Variants in SMYD3 observed in about 807,000 individuals in gnomAD.
SMYD3 encodes histone-lysine N-methyltransferase SMYD3.
Under a neutral mutation model 57.7 loss-of-function variants are expected in SMYD3, and 36 were observed. The ratio of observed to expected loss-of-function variants is 0.62; its 90% CI spans 0.48 to 0.82. The LOEUF (loss-of-function observed/expected upper bound fraction) is 0.82, where lower values mean the gene tolerates loss of function less well. Among genes scored for constraint, SMYD3 ranks in the 40% least tolerant of loss-of-function variants. The pLI is 0.00. For missense variants in SMYD3, 515 were observed against 538.8 expected (o/e 0.96, Z 0.44); for synonymous variants, 211 against 195.0 (o/e 1.08, Z -0.68).
intron 5 of SMYD3, chr1:245,953,479 G>A: frequency 2.4e-6 from 1 of 414,360 alleles, no homozygotes; most frequent in Non-Finnish European, 3.3e-6. Context: ...GGAGTGCAGT[G>A]GTGTGATCTC....
At chr1:245,911,199 A>G (rs1160263335) in intron 8 of SMYD3, among the ~76,000 whole-genome samples, 1 of 152,130 alleles carries the variant, frequency 6.6e-6, no homozygotes, top group African/African-American at 2.4e-5. Flanking sequence ...GGCTACTATA[A>G]AAAAGTAAGA....
At chr1:246,149,594 A>T (rs1440119921) in intron 5 of SMYD3, among the ~76,000 whole-genome samples, 1 of 152,174 alleles carries the variant, frequency 6.6e-6, no homozygotes, top group Non-Finnish European at 1.5e-5. Context: ...GATAAAAAAA[A>T]GCTTTTATTA....
intron 1 of SMYD3, among the ~76,000 whole-genome samples, chr1:246,419,477 G>T (rs1297429588): frequency 6.6e-6 from 1 of 152,192 alleles, no homozygotes; most frequent in Non-Finnish European, 1.5e-5. Context: ...GGCCCAGGAT[G>T]GGGGCGTGGT....
At chr1:245,893,864 T>A (rs2053558579) in intron 8 of SMYD3, among the ~76,000 whole-genome samples, 1 of 152,194 alleles carries the variant, frequency 6.6e-6, no homozygotes, top group African/African-American at 2.4e-5. Flanking sequence ...CTCCAATTCT[T>A]TAAAAAGATA....
At chr1:245,882,972 G>T (rs560219318) in intron 8 of SMYD3, among the ~76,000 whole-genome samples, 1 of 152,350 alleles carries the variant, frequency 6.6e-6, no homozygotes, top group East Asian at 1.9e-4. Context: ...GGTAGGCTGT[G>T]CTTCGCTAAT....
intron 5 of SMYD3, among the ~76,000 whole-genome samples, chr1:245,979,725 C>T (rs923689664): frequency 1.3e-5 from 2 of 152,108 alleles, no homozygotes; most frequent in Admixed American, 6.6e-5. Flanking sequence ...GTCACCATGG[C>T]CGTTTTAAGA....
At chr1:246,329,764 G>C (rs1205051401) in intron 4 of SMYD3, among the ~76,000 whole-genome samples, 1 of 151,874 alleles carries the variant, frequency 6.6e-6, no homozygotes, top group Non-Finnish European at 1.5e-5. Context: ...TATTACCATG[G>C]GAACTTCAGA....
intron 5 of SMYD3, among the ~76,000 whole-genome samples, chr1:246,214,742 T>C (rs2063138688): frequency 6.6e-6 from 1 of 152,088 alleles, no homozygotes; most frequent in African/African-American, 2.4e-5. Flanking sequence ...CCGGAATATT[T>C]AGGAACAGTC....
At chr1:245,987,931 G>A (rs773064746) in intron 5 of SMYD3, among the ~76,000 whole-genome samples, 7 of 152,164 alleles carry the variant, frequency 4.6e-5, no homozygotes, top group Non-Finnish European at 1.0e-4. Context: ...AGTTTCTACG[G>A]TCCCACTCAC....
intron 5 of SMYD3, among the ~76,000 whole-genome samples, chr1:246,184,091 T>C (rs1237190379): frequency 3.3e-5 from 5 of 152,178 alleles, no homozygotes; most frequent in Admixed American, 1.3e-4. Context: ...AAAGATCAGG[T>C]TGTATTTTTC....
At chr1:246,053,387 A>G (rs913522081) in intron 5 of SMYD3, among the ~76,000 whole-genome samples, 4 of 150,160 alleles carry the variant, frequency 2.7e-5, no homozygotes, top group South Asian at 2.1e-4. Context: ...TTAAAGAGAG[A>G]AAAAAAAAAG....
At chr1:245,940,599 A>G (rs1229805877) in intron 5 of SMYD3, among the ~76,000 whole-genome samples, 1 of 152,094 alleles carries the variant, frequency 6.6e-6, no homozygotes. Flanking sequence ...AAAAAACAGA[A>G]AGCACCACTA....
intron 5 of SMYD3, among the ~76,000 whole-genome samples, chr1:246,119,466 G>A (rs2061392024): frequency 1.3e-5 from 2 of 149,562 alleles, no homozygotes; most frequent in South Asian, 2.1e-4. Context: ...AGGCTGGAGT[G>A]TAGGGGCATG....
chr1:245,869,714 C>T (rs1168131085), intron 8 of SMYD3, among the ~76,000 whole-genome samples: 1 of 152,182 alleles, frequency 6.6e-6, no homozygotes, highest in Non-Finnish European at 1.5e-5. Flanking sequence ...CACAGCTCCA[C>T]CCCAAAATCC....
chr1:245,841,673 T>C (rs1174754877), intron 10 of SMYD3, among the ~76,000 whole-genome samples: 3 of 152,178 alleles, frequency 2.0e-5, no homozygotes, highest in Non-Finnish European at 4.4e-5. Context: ...AAATAAAATG[T>C]AGTTGAAACA....
intron 2 of SMYD3, among the ~76,000 whole-genome samples, chr1:246,340,765 G>A (rs1303203089): frequency 6.6e-6 from 1 of 152,064 alleles, no homozygotes; most frequent in African/African-American, 2.4e-5. Context: ...ATTTAAGAAT[G>A]TTCCACCCTA....
At chr1:245,982,251 C>T (rs2058612642) in intron 5 of SMYD3, among the ~76,000 whole-genome samples, 1 of 152,190 alleles carries the variant, frequency 6.6e-6, no homozygotes, top group Admixed American at 6.5e-5. Flanking sequence ...CCTCTGGTCT[C>T]AGCCTCTGGA....
intron 1 of SMYD3, among the ~76,000 whole-genome samples, chr1:246,407,798 C>T (rs1196085982): frequency 2.0e-5 from 3 of 151,788 alleles, no homozygotes; most frequent in African/African-American, 7.3e-5. Context: ...GCCGAGATCA[C>T]GCCACTGCAC....
chr1:246,307,406 G>A (rs2064997798), intron 5 of SMYD3, among the ~76,000 whole-genome samples: 1 of 148,830 alleles, frequency 6.7e-6, no homozygotes, highest in South Asian at 2.1e-4. Flanking sequence ...TCATAAATTA[G>A]GGGATTCTTT....
Sources: gnomAD v4.1 joint callset for allele counts (sites outside exome capture counted in the v4.1 genomes callset) on GRCh38, gnomAD v4.1.1 for gene constraint, MANE v1.5 for transcripts, NCBI Gene and HGNC (gene_info 2026-07-23, HGNC 2026-07-21) for gene names.